The following SHISA6 variants were observed in gnomAD, a reference collection of about 807,000 sequenced individuals.
SHISA6 encodes the protein shisa family member 6, also known as protein shisa-6.
A neutral mutation model predicts 47.9 loss-of-function variants in SHISA6; 22 were observed. That is an observed-to-expected ratio of 0.46 (90% CI 0.33 to 0.66). The LOEUF is 0.66. Ranked by LOEUF, SHISA6 falls within the 30% of genes least tolerant of loss-of-function variation. The probability of loss-of-function intolerance (pLI) is 0.02; values close to 1 mark genes in which losing one functional copy is unlikely to be tolerated. For synonymous variants in SHISA6, 388 were observed against 337.8 expected, an observed-to-expected ratio of 1.15 and a Z score of -1.63; for missense variants, 680 against 764.6, an observed-to-expected ratio of 0.89 and a Z score of 1.30.
At chr17:11,456,703 G>T (rs1352675177) in intron 3 of SHISA6, among the ~76,000 whole-genome samples, 1 of 151,202 alleles carries the variant, frequency 6.6e-6, no homozygotes, top group Non-Finnish European at 1.5e-5. Flanking sequence ...ACCAGGGCTG[G>T]ACCGCCCCCC....
At chr17:11,482,347 T>C (rs1916242901) in intron 3 of SHISA6, among the ~76,000 whole-genome samples, 1 of 152,222 alleles carries the variant, frequency 6.6e-6, no homozygotes, top group African/African-American at 2.4e-5. Context: ...ATGTTCTCCG[T>C]AACATAAGTT....
chr17:11,555,608 T>G, intron 4 of SHISA6, 132 bp from the exon 5 acceptor site: 2 of 1,035,046 alleles, frequency 1.9e-6, no homozygotes, highest in Non-Finnish European at 2.7e-6. Context: ...ACTGAGTCAA[T>G]AGTATCACCT....
intron 3 of SHISA6, among the ~76,000 whole-genome samples, chr17:11,423,326 T>TAGATAGATAG (rs1555534343): frequency 7.0e-6 from 1 of 142,622 alleles, no homozygotes; most frequent in Non-Finnish European, 1.5e-5. Context: ...GTAACATATA[T>TAGATAGATAG]ATAGATAGAT....
intron 3 of SHISA6, among the ~76,000 whole-genome samples, chr17:11,392,918 G>T (rs1456657622): frequency 3.3e-5 from 5 of 152,200 alleles, no homozygotes; most frequent in Admixed American, 3.3e-4. Flanking sequence ...CAGGTTCTTT[G>T]GCAGCATCAG....
chr17:11,272,252 C>T (rs1908704765), intron 2 of SHISA6, among the ~76,000 whole-genome samples: 2 of 152,190 alleles, frequency 1.3e-5, no homozygotes, highest in Admixed American at 6.5e-5. Context: ...TATAGCTCCC[C>T]AGCCATGCTC....
At chr17:11,405,281 C>T (rs1597496653) in intron 3 of SHISA6, among the ~76,000 whole-genome samples, 1 of 152,114 alleles carries the variant, frequency 6.6e-6, no homozygotes, top group East Asian at 1.9e-4. Flanking sequence ...TCTAGGGTGC[C>T]CCTGAGATGT....
rs1315831121 is a variant in SHISA6 at position 11,386,763 on chromosome 17, A to G, written c.895+7254A>G. Among the ~76,000 whole-genome samples the G allele has an allele frequency of 2.0e-4, 30 of 152,204 alleles. 2 individuals are homozygous for G. The highest frequency in any genetic ancestry group is 1.9e-3 in the Admixed American group (29 of 15,282). The stretch of plus-strand genomic sequence containing the variant: ...CCAGGCCACATATGACAGATAGGCC[A>G]CACGGCCACAGGTGCAGGCAAGTGG... On this transcript the variant is annotated intron_variant, in intron 3 of 5. Coordinates refer to ENST00000441885, the MANE Select transcript of SHISA6 (RefSeq NM_207386.4).
At chr17:11,526,240 A>G (rs1184944766) in intron 3 of SHISA6, among the ~76,000 whole-genome samples, 1 of 152,160 alleles carries the variant, frequency 6.6e-6, no homozygotes, top group Non-Finnish European at 1.5e-5. Flanking sequence ...CTGTTGGTAA[A>G]TACTGCATGG....
chr17:11,415,896 T>C (rs1245474478), intron 3 of SHISA6, among the ~76,000 whole-genome samples: 1 of 152,212 alleles, frequency 6.6e-6, no homozygotes, highest in Non-Finnish European at 1.5e-5. Context: ...AAAAAGACAT[T>C]AATTTATCAC....
At position 11,328,309 on chromosome 17, in the gene SHISA6, G is replaced by A. The variant is rs571223731; in HGVS notation, c.800-51105G>A. The stretch of plus-strand genomic sequence containing the variant: ...CACCACCAGTAAACAGGGGCAATAA[G>A]AGAACTTTTCCCTAATGGTTGCTTT... On this transcript the variant is annotated intron_variant, in intron 2 of 5. Coordinates refer to ENST00000441885, the MANE Select transcript of SHISA6 (RefSeq NM_207386.4). Among the ~76,000 whole-genome samples the A allele has an allele frequency of 2.0e-5, 3 of 152,300 alleles. No homozygotes were observed. In the East Asian group the frequency reaches 5.8e-4, roughly 29 times the overall value.
chr17:11,297,207 A>G (rs573152582), intron 2 of SHISA6, among the ~76,000 whole-genome samples: 1 of 152,228 alleles, frequency 6.6e-6, no homozygotes, highest in South Asian at 2.1e-4. Context: ...TCTAGTGGAG[A>G]GTAAGAGTTT....
intron 3 of SHISA6, among the ~76,000 whole-genome samples, chr17:11,506,971 T>C (rs979817807): frequency 1.3e-5 from 2 of 152,120 alleles, no homozygotes; most frequent in African/African-American, 4.8e-5. Context: ...AGTGAAGAGA[T>C]GATCTTAGAG....
intron 2 of SHISA6, among the ~76,000 whole-genome samples, chr17:11,299,024 A>G (rs949459546): frequency 6.6e-6 from 1 of 152,242 alleles, no homozygotes; most frequent in African/African-American, 2.4e-5. Flanking sequence ...ACTAAAAGTC[A>G]TGGCGAAAAT....
Position 11,368,335 on chromosome 17 carries a change from G to T in SHISA6, c.800-11079G>T, listed in dbSNP as rs140265280. Reference sequence around the variant, plus strand: ...TTTCTCCTACTAATCTTAATTAGCGGGTCTGTTTTTTCCAAAGCACATTCA... The same window carrying T: ...TTTCTCCTACTAATCTTAATTAGCGTGTCTGTTTTTTCCAAAGCACATTCA... On this transcript the variant is annotated intron_variant, in intron 2 of 5. Transcript: ENST00000441885. Among the ~76,000 whole-genome samples the T allele has an allele frequency of 4.7e-3, 713 of 152,090 alleles. 8 individuals carry two copies. The highest frequency in any genetic ancestry group is 0.016 in the African/African-American group (675 of 41,472).
At chr17:11,366,503 A>G (rs1039040181) in intron 2 of SHISA6, among the ~76,000 whole-genome samples, 1 of 152,230 alleles carries the variant, frequency 6.6e-6, no homozygotes, top group Non-Finnish European at 1.5e-5. Flanking sequence ...TAGAATGAGC[A>G]GATGTCTATT....
intron 2 of SHISA6, among the ~76,000 whole-genome samples, chr17:11,325,545 A>G (rs2142199908): frequency 6.6e-6 from 1 of 152,324 alleles, no homozygotes; most frequent in Non-Finnish European, 1.5e-5. Context: ...TTGGTGTAGG[A>G]TGCCTATTCC....
chr17:11,369,811 C>T (rs1283746069), intron 2 of SHISA6, among the ~76,000 whole-genome samples: 1 of 152,162 alleles, frequency 6.6e-6, no homozygotes, highest in Admixed American at 6.5e-5. Context: ...GGCATCTTTC[C>T]AAGGGGATTA....
intron 3 of SHISA6, among the ~76,000 whole-genome samples, chr17:11,447,765 C>G (rs892539725): frequency 1.3e-5 from 2 of 152,186 alleles, no homozygotes; most frequent in Non-Finnish European, 2.9e-5. Context: ...AGTTTCTGCC[C>G]GTTTCCTTCC....
chr17:11,263,105 C>CA (rs1474882309), intron 1 of SHISA6, among the ~76,000 whole-genome samples: 1 of 152,156 alleles, frequency 6.6e-6, no homozygotes, highest in African/African-American at 2.4e-5. Context: ...TGAAAGGGCT[C>CA]AGAGTTTACT....
Sources: gnomAD v4.1 joint callset for allele counts (sites outside exome capture counted in the v4.1 genomes callset) on GRCh38, gnomAD v4.1.1 for gene constraint, MANE v1.5 for transcripts, NCBI Gene and HGNC (gene_info 2026-07-23, HGNC 2026-07-21) for gene names.